Variants in ROBO2 observed in about 807,000 individuals in gnomAD.
The protein encoded by ROBO2 is roundabout homolog 2.
A neutral mutation model predicts 160.8 loss-of-function variants in ROBO2; 53 were observed. The observed-to-expected ratio is 0.33, with a 90% CI of 0.26 to 0.41. The LOEUF (loss-of-function observed/expected upper bound fraction) is 0.41. ROBO2 is among the 10% of genes least tolerant of loss of function. The pLI is 1.00. For synonymous variants in ROBO2, 664 were observed against 611.7 expected, an observed-to-expected ratio of 1.09 and a Z score of -1.26; for missense variants, 1,577 against 1,722.4, an observed-to-expected ratio of 0.92 and a Z score of 1.49.
chr3:76,796,027 A>C (rs1477015527), intron 2 of ROBO2, among the ~76,000 whole-genome samples: 2 of 152,128 alleles, frequency 1.3e-5, no homozygotes, highest in Admixed American at 6.5e-5. Context: ...AAAGTTTTGA[A>C]AGGAATCTTC....
intron 2 of ROBO2, among the ~76,000 whole-genome samples, chr3:76,738,870 A>G (rs374272687): frequency 6.6e-6 from 1 of 151,986 alleles, no homozygotes; most frequent in African/African-American, 2.4e-5. Context: ...ATACTACTAC[A>G]TGTTTGTAAG....
chr3:77,576,774 C>T lies in ROBO2; in HGVS notation c.2204-716C>T, dbSNP rs765514777. On this transcript the variant is annotated intron_variant, in intron 14 of 25. Transcript: ENST00000461745. ...ATTTTTATCATCAGAGTCCCTTGCCCATCCATATAATATAAGTTTTCAATC... is the reference window on the plus strand; with the variant it reads ...ATTTTTATCATCAGAGTCCCTTGCCTATCCATATAATATAAGTTTTCAATC... Among the ~76,000 whole-genome samples the T allele has an allele frequency of 6.5e-4, 99 of 152,086 alleles. 2 individuals carry two copies. The highest frequency in any genetic ancestry group is 1.1e-3 in the Non-Finnish European group (75 of 68,008).
At chr3:77,295,822 T>C (rs564356447) in intron 2 of ROBO2, among the ~76,000 whole-genome samples, 9 of 142,874 alleles carry the variant, frequency 6.3e-5, no homozygotes. Context: ...ACTAAAGACA[T>C]AAAGTAAAAT....
chr3:76,417,193 A>G (rs1005547506), intron 2 of ROBO2, among the ~76,000 whole-genome samples: 5 of 152,192 alleles, frequency 3.3e-5, no homozygotes, highest in African/African-American at 1.2e-4. Context: ...GCATGCTATA[A>G]GATATTGCCA....
chr3:76,972,527 T>TTA (rs1401096267), intron 2 of ROBO2, among the ~76,000 whole-genome samples: 1 of 152,000 alleles, frequency 6.6e-6, no homozygotes, highest in African/African-American at 2.4e-5. Flanking sequence ...TTTGTATAGA[T>TTA]TATATATATA....
At chr3:76,497,302 C>A (rs1457331895) in intron 2 of ROBO2, among the ~76,000 whole-genome samples, 3 of 152,134 alleles carry the variant, frequency 2.0e-5, no homozygotes, top group Non-Finnish European at 4.4e-5. Context: ...CTCAAGCAAT[C>A]CTCCCACATC....
chr3:77,159,142 C>T (rs544147193), intron 2 of ROBO2, among the ~76,000 whole-genome samples: 5 of 152,216 alleles, frequency 3.3e-5, no homozygotes, highest in South Asian at 2.1e-4. Context: ...GTTTCATCAA[C>T]ACCCATCCTG....
intron 2 of ROBO2, among the ~76,000 whole-genome samples, chr3:76,374,105 A>G (rs187378979): frequency 6.6e-6 from 1 of 151,950 alleles, no homozygotes; most frequent in African/African-American, 2.4e-5. Context: ...CATTTCTTTT[A>G]TCAAAGCCAG....
chr3:77,578,122 A>G (rs1391921770), intron 15 of ROBO2, among the ~76,000 whole-genome samples: 1 of 152,120 alleles, frequency 6.6e-6, no homozygotes. Context: ...AAAGCCACTG[A>G]ACATATTTTA....
At chr3:76,806,651 A>T (rs1223748767) in intron 2 of ROBO2, among the ~76,000 whole-genome samples, 5 of 152,064 alleles carry the variant, frequency 3.3e-5, no homozygotes, top group Admixed American at 1.3e-4. Context: ...AAAACTATGC[A>T]ACAGAATTCC....
intron 2 of ROBO2, among the ~76,000 whole-genome samples, chr3:76,596,967 A>G (rs937097972): frequency 6.6e-6 from 1 of 152,184 alleles, no homozygotes; most frequent in African/African-American, 2.4e-5. Flanking sequence ...CTATGCTGTC[A>G]TATCAGTGGG....
chr3:77,303,462 A>G (rs949425145), intron 2 of ROBO2, among the ~76,000 whole-genome samples: 1 of 152,204 alleles, frequency 6.6e-6, no homozygotes, highest in African/African-American at 2.4e-5. Context: ...TTCTGTGTTC[A>G]TAACAGAGTG....
chr3:76,030,017 T>C (rs554211407), intron 2 of ROBO2, among the ~76,000 whole-genome samples: 5 of 152,292 alleles, frequency 3.3e-5, no homozygotes, highest in East Asian at 1.9e-4. Flanking sequence ...CCACATCCTC[T>C]CCAGCACCTG....
chr3:77,385,745 G>A (rs551317665), intron 2 of ROBO2, among the ~76,000 whole-genome samples: 5 of 152,250 alleles, frequency 3.3e-5, no homozygotes, highest in African/African-American at 1.2e-4. Flanking sequence ...GTTACATGAA[G>A]TTCCTGCCGC....
chr3:76,984,242 TG>T (rs1374750203), intron 2 of ROBO2, among the ~76,000 whole-genome samples: 1 of 152,182 alleles, frequency 6.6e-6, no homozygotes, highest in African/African-American at 2.4e-5. Flanking sequence ...GATTCACACT[TG>T]GGTCAGAAGA....
intron 2 of ROBO2, among the ~76,000 whole-genome samples, chr3:76,263,986 A>G (rs1576162492): frequency 6.6e-6 from 1 of 152,130 alleles, no homozygotes. Flanking sequence ...ACCAAACTCC[A>G]CATGTTCTCA....
intron 2 of ROBO2, among the ~76,000 whole-genome samples, chr3:77,000,966 A>C (rs2061307091): frequency 6.6e-6 from 1 of 152,142 alleles, no homozygotes; most frequent in Non-Finnish European, 1.5e-5. Context: ...GTCTTAACGC[A>C]TCCAGTTTAG....
At chr3:76,846,105 G>C (rs996751684) in intron 2 of ROBO2, among the ~76,000 whole-genome samples, 1 of 152,066 alleles carries the variant, frequency 6.6e-6, no homozygotes, top group African/African-American at 2.4e-5. Context: ...ATGACAGTTG[G>C]CATGCAGTAC....
chr3:75,935,524 A>C (rs1255564249), intron 1 of ROBO2, among the ~76,000 whole-genome samples: 1 of 152,162 alleles, frequency 6.6e-6, no homozygotes, highest in Non-Finnish European at 1.5e-5. Context: ...TAAATAAATC[A>C]CAAAACACTT....
Sources: gnomAD v4.1 joint callset for allele counts (sites outside exome capture counted in the v4.1 genomes callset) on GRCh38, gnomAD v4.1.1 for gene constraint, MANE v1.5 for transcripts, NCBI Gene and HGNC (gene_info 2026-07-23, HGNC 2026-07-21) for gene names.